Variants in GDE1 observed in about 807,000 individuals in gnomAD.
GDE1 encodes the protein glycerophosphodiester phosphodiesterase 1.
A neutral mutation model predicts 32.2 loss-of-function variants in GDE1; 24 were observed. The ratio of observed to expected loss-of-function variants is 0.75; its 90% CI spans 0.54 to 1.05. GDE1 has a LOEUF of 1.05. Ranked by LOEUF, GDE1 falls within the 50% of genes least tolerant of loss-of-function variation. The pLI, the probability that GDE1 is intolerant of heterozygous loss-of-function variation, is 0.00. For synonymous variants in GDE1, 159 were observed against 158.6 expected (o/e 1.00, Z -0.02); for missense variants, 380 against 415.0 (o/e 0.92, Z 0.73).
chr16:19,519,856 A>C (rs978486652), intron 1 of GDE1, among the ~76,000 whole-genome samples: 3 of 152,070 alleles, frequency 2.0e-5, no homozygotes, highest in African/African-American at 7.2e-5. Flanking sequence ...AAAACAAAAA[A>C]CAAAAATTAG....
chr16:19,518,020 CG>C (rs2151449616), intron 1 of GDE1, among the ~76,000 whole-genome samples: 1 of 151,788 alleles, frequency 6.6e-6, no homozygotes, highest in East Asian at 1.9e-4. Flanking sequence ...CCCAAGTAGC[CG>C]GGACTACTGG....
chr16:19,507,808 A>C, intron 3 of GDE1, 29 bp from the exon 4 acceptor site: 2 of 1,008,708 alleles, frequency 2.0e-6, no homozygotes, highest in Non-Finnish European at 3.1e-6. Flanking sequence ...CATATATTTA[A>C]AATTGATTAA....
rs1969465768 is a variant in GDE1 at position 19,521,949 on chromosome 16, C to T, written c.16G>A (p.Asp6Asn). 1 of 1,551,536 alleles carries T rather than the reference C, an allele frequency of 6.4e-7. No homozygotes were observed. The highest frequency in any genetic ancestry group is 8.7e-7 in the Non-Finnish European group (1 of 1,144,664). The stretch of plus-strand genomic sequence containing the variant: ...AAAGGGCCCAGGAGGCCGCCCTGGT[C>T]CTCCCACAGCCACATGCCGGCGCCC... MWLWE[D>N]QGGLLGPFSF... The change falls in exon 1 of 6, where the codon GAC becomes AAC. Residue 6 changes from aspartate to asparagine, a missense_variant. Transcript: ENST00000353258.
chr16:19,516,515 G>A (rs1011802256), intron 2 of GDE1, among the ~76,000 whole-genome samples: 6 of 152,142 alleles, frequency 3.9e-5, no homozygotes, highest in African/African-American at 9.7e-5. Context: ...ATTACACAGT[G>A]CAGATATAAA....
chr16:19,515,066 C>CAAAAA lies in GDE1; in HGVS notation c.437+1943_437+1947dup, dbSNP rs67148636. ...GGGCAACAAGAGTGAAACTCCAACTCAAAAAAAAAAAAAAAAAAGATAAGG... is the reference window on the plus strand; with the variant it reads ...GGGCAACAAGAGTGAAACTCCAACTCAAAAAAAAAAAAAAAAAAAAAAAGATAAGG... On this transcript the variant is annotated intron_variant, in intron 2 of 5. Coordinates refer to ENST00000353258, the MANE Select transcript of GDE1 (RefSeq NM_016641.4). Among the ~76,000 whole-genome samples the CAAAAA allele has an allele frequency of 7.1e-5, 8 of 113,220 alleles. 1 individual carries two copies. The highest frequency in any genetic ancestry group is 2.7e-4 in the East Asian group (1 of 3,740). The allele number at this position is 113,220 out of a possible 152,430, so 74.3% of individuals were successfully genotyped here. A position where few individuals can be genotyped will look rare whatever the true frequency, so the allele number is the denominator to read the frequency against.
chr16:19,511,665 C>T (rs909462622), intron 2 of GDE1, among the ~76,000 whole-genome samples: 8 of 152,054 alleles, frequency 5.3e-5, no homozygotes, highest in African/African-American at 1.9e-4. Flanking sequence ...TTCTATCGAA[C>T]TGTATGTTTG....
chr16:19,519,489 AATAG>A (rs1969423020), intron 1 of GDE1, among the ~76,000 whole-genome samples: 1 of 151,328 alleles, frequency 6.6e-6, no homozygotes, highest in Non-Finnish European at 1.5e-5. Flanking sequence ...CACAATACTT[AATAG>A]ATTACAATAT....
intron 2 of GDE1, among the ~76,000 whole-genome samples, chr16:19,514,791 T>A (rs569355673): frequency 6.6e-6 from 1 of 152,228 alleles, no homozygotes; most frequent in South Asian, 2.1e-4. Context: ...ATAGGCCAGG[T>A]ACAGTGGGCT....
chr16:19,514,570 A>G (rs1002026754), intron 2 of GDE1, among the ~76,000 whole-genome samples: 2 of 152,202 alleles, frequency 1.3e-5, no homozygotes, highest in Non-Finnish European at 2.9e-5. Context: ...GGAATACATA[A>G]ATCTGTTAAC....
chr16:19,503,431 C>T lies in GDE1; in HGVS notation c.*39G>A. The T allele has an allele frequency of 6.3e-7, 1 of 1,597,038 alleles. No homozygotes were observed. The highest frequency in any genetic ancestry group is 2.2e-5 in the East Asian group (1 of 44,796). On this transcript the variant is annotated 3_prime_UTR_variant, in exon 6 of 6. Transcript: ENST00000353258. The stretch of plus-strand genomic sequence containing the variant: ...ATTTTGATATCCCTGTATGAGGCCC[C>T]TGGCAGTTTCTGAACCCGTTTCGTC...
rs371961128 is a variant in GDE1, at chr16:19,507,689, T to C, written c.634A>G (p.Lys212Glu). 6.7e-7 allele frequency: 1 copy of C among 1,486,512 alleles called. No individual in the cohort carries two copies. Among genetic ancestry groups the C allele is most frequent in the African/African-American group, 1.4e-5 (1 of 72,488 alleles). The allele number at this position is 1,486,512 out of a possible 1,614,324, so 92.1% of individuals were successfully genotyped here. A position where few individuals can be genotyped will look rare whatever the true frequency, so the allele number is the denominator to read the frequency against. ...ACAAGAAAAATCCCGAATGTTACCT[T>C]GTAGATAACTTCTGGCAAGAAAGAA... The part of the protein sequence containing the change: ...VCSFLPEVIY[K>E]MRQTDRDVIT... The change falls in exon 4 of 6, where the codon AAG becomes GAG. Residue 212 changes from lysine to glutamate, a missense_variant and splice_region_variant. Lys to Glu is a moderately conservative substitution (Grantham distance 56, BLOSUM62 1). Transcript: ENST00000353258.
At chr16:19,508,339 T>G (rs1969274247) in intron 3 of GDE1, among the ~76,000 whole-genome samples, 1 of 152,182 alleles carries the variant, frequency 6.6e-6, no homozygotes, top group African/African-American at 2.4e-5. Flanking sequence ...AAGTTTCTTT[T>G]TATAGTAGTC....
chr16:19,507,864 A>G, intron 3 of GDE1, 85 bp from the exon 4 acceptor site: 1 of 657,778 alleles, frequency 1.5e-6, no homozygotes, highest in Non-Finnish European at 2.7e-6. Flanking sequence ...TATTAAGTAC[A>G]ACCCTATGGA....
chr16:19,511,962 C>T (rs1479339136), intron 2 of GDE1, among the ~76,000 whole-genome samples: 2 of 152,198 alleles, frequency 1.3e-5, no homozygotes, highest in Non-Finnish European at 2.9e-5. Flanking sequence ...TTTATCCATT[C>T]ATCCACTGAT....
In GDE1 at chr16:19,503,454, G is replaced by A. The variant is rs562476032; in HGVS notation, c.*16C>T. The A allele has an allele frequency of 1.1e-4, 174 of 1,611,526 alleles. No individual in the cohort carries two copies. Among genetic ancestry groups the A allele is most frequent in the Middle Eastern group, 3.3e-4 (2 of 6,042 alleles). On this transcript the variant is annotated 3_prime_UTR_variant, in exon 6 of 6. Coordinates refer to ENST00000353258, the MANE Select transcript of GDE1 (RefSeq NM_016641.4). ...CCCTGGCAGTTTCTGAACCCGTTTC[G>A]TCCCACCGTGAAAGTCTAGAAGTGA...
Position 19,521,823 on chromosome 16 carries a change from C to G in GDE1, c.142G>C (p.Glu48Gln). The change falls in exon 1 of 6, where the codon GAG becomes CAG. Residue 48 changes from glutamate to glutamine, a missense_variant. Physicochemically the swap from Glu to Gln is conservative, Grantham distance 29 (BLOSUM62 2). Transcript: ENST00000353258. The part of the protein sequence containing the change: ...LFVLLRVFSF[E>Q]PVPSCRALQV... ...AGGGCCCTGCAAGAGGGCACCGGCTCAAAGCTGAAGACGCGCAGTAGAACG... is the reference window on the plus strand; with the variant it reads ...AGGGCCCTGCAAGAGGGCACCGGCTGAAAGCTGAAGACGCGCAGTAGAACG... The G allele has an allele frequency of 6.2e-7, 1 of 1,611,078 alleles. No homozygotes were observed. Among genetic ancestry groups the G allele is most frequent in the Non-Finnish European group, 8.5e-7 (1 of 1,179,212 alleles).
rs890802496 is a variant in GDE1, at chr16:19,502,463, T to C, written c.*1007A>G. 3 of 147,766 alleles carry C rather than the reference T, an allele frequency of 2.0e-5. No homozygotes were observed. In the East Asian group the frequency reaches 6.0e-4, roughly 29 times the overall value. The allele number at this position is 147,766 out of a possible 1,614,324, so 9.2% of individuals were successfully genotyped here. A position where few individuals can be genotyped will look rare whatever the true frequency, so the allele number is the denominator to read the frequency against. ...AGTGCCGTGGTGTAATCATGGCTCA[T>C]TGCAGCCTTGAACTTCTGGGCTCAA... On this transcript the variant is annotated 3_prime_UTR_variant, in exon 6 of 6. Transcript: ENST00000353258.
intron 2 of GDE1, among the ~76,000 whole-genome samples, chr16:19,511,913 GCTAA>G (rs1374661418): frequency 6.6e-6 from 1 of 151,782 alleles, no homozygotes; most frequent in Non-Finnish European, 1.5e-5. Flanking sequence ...CTTTTTTATG[GCTAA>G]CTACATAGTA....
At position 19,507,704 on chromosome 16, in the gene GDE1, G is replaced by C. The variant is rs771741709; in HGVS notation, c.619C>G (p.Pro207Ala). ...AATGTTACCTTGTAGATAACTTCTGGCAAGAAAGAACAGACCACACTATTA... is the reference window on the plus strand; with the variant it reads ...AATGTTACCTTGTAGATAACTTCTGCCAAGAAAGAACAGACCACACTATTA... ...YNNSVVCSFL[P>A]EVIYKMRQTD... is the part of the protein sequence containing the mutation. The change falls in exon 4 of 6, where the codon CCA (proline) becomes GCA (alanine). Residue 207 changes from proline to alanine, a missense_variant. Pro to Ala is a conservative substitution (Grantham distance 27). Transcript: ENST00000353258. 1.3e-6 allele frequency: 2 copies of C among 1,562,498 alleles called. No individual in the cohort carries two copies. The highest frequency in any genetic ancestry group is 2.2e-5 in the South Asian group (2 of 89,996).
Sources: allele counts gnomAD v4.1 joint callset (sites outside exome capture counted in the v4.1 genomes callset), GRCh38; gene constraint gnomAD v4.1.1; transcripts MANE v1.5; gene names NCBI Gene and HGNC (gene_info 2026-07-23, HGNC 2026-07-21).